Variants in ZC3H12D observed in about 807,000 individuals in gnomAD.
The protein encoded by ZC3H12D is probable ribonuclease ZC3H12D.
A neutral mutation model predicts 24.2 loss-of-function variants in ZC3H12D; 11 were observed. That is an observed-to-expected ratio of 0.46 (90% confidence interval 0.29 to 0.75). The LOEUF is 0.75. Ranked by LOEUF, ZC3H12D falls within the 30% of genes least tolerant of loss-of-function variation. The pLI is 0.11. For missense variants in ZC3H12D, 740 were observed against 767.7 expected, an observed-to-expected ratio of 0.96 and a Z score of 0.43; for synonymous variants, 333 against 341.8, an observed-to-expected ratio of 0.97 and a Z score of 0.28.
intron 2 of ZC3H12D, among the ~76,000 whole-genome samples, chr6:149,464,945 C>A (rs1776128255): frequency 6.6e-6 from 1 of 152,244 alleles, no homozygotes; most frequent in African/African-American, 2.4e-5. Flanking sequence ...TCCCGAGAAG[C>A]CTGGCAGCCA....
chr6:149,456,596 TG>T lies in ZC3H12D; in HGVS notation c.680+69del. On this transcript the variant is annotated intron_variant, in intron 4 of 5. Transcript: ENST00000409806. This position sits in a 1 kb window ranked among gnomAD's most constrained non-coding sequence, Gnocchi z 4.3. ...AAGCTCCTCCACCTGGTAGCAGGCG[TG>T]GCCACTGCCTCGACCCCGGCCCCCC... 7.5e-7 allele frequency: 1 copy of T among 1,335,596 alleles called. No homozygotes were observed. Among genetic ancestry groups the T allele is most frequent in the Non-Finnish European group, 1.0e-6 (1 of 965,562 alleles). The allele number at this position is 1,335,596 out of a possible 1,614,324, so 82.7% of individuals were successfully genotyped here. A position where few individuals can be genotyped will look rare whatever the true frequency, so the allele number is the denominator to read the frequency against.
Position 149,450,893 on chromosome 6 carries a change from GC to G in ZC3H12D, c.1373del (p.Gly458AlafsTer40). Reference protein sequence around the residue: ...GRSVWAEPAWGDGATGGLSVY... With the variant: ...GRSVWAEPAWXDGATGGLSVY... The stretch of plus-strand genomic sequence containing the variant: ...CTGAAAGTCCCCCAGTGGCGCCGTC[GC>G]CCCAGGCCGGCTCCGCCCAGACGGA... On this transcript the variant is annotated frameshift_variant, in exon 6 of 6. Transcript: ENST00000409806. LOFTEE classifies it low-confidence loss of function (END_TRUNC). 6.5e-7 allele frequency: 1 copy of G among 1,540,804 alleles called. No individual in the cohort carries two copies.
At chr6:149,469,888 G>T (rs527765491) in intron 2 of ZC3H12D, among the ~76,000 whole-genome samples, 1 of 152,276 alleles carries the variant, frequency 6.6e-6, no homozygotes, top group Admixed American at 6.5e-5. Context: ...CTGGGTCAGG[G>T]TCTCCTACCC....
At chr6:149,483,692 C>A (rs1776458291) in intron 1 of ZC3H12D, among the ~76,000 whole-genome samples, 1 of 152,174 alleles carries the variant, frequency 6.6e-6, no homozygotes, top group African/African-American at 2.4e-5. Context: ...GAACTACAGG[C>A]ACACACTCCC....
In ZC3H12D at chr6:149,448,348, C is replaced by T. The variant is rs1412445973; in HGVS notation, c.*2335G>A. The T allele has an allele frequency of 6.6e-6, 1 of 151,902 alleles. No individual in the cohort carries two copies. The highest frequency in any genetic ancestry group is 1.5e-5 in the Non-Finnish European group (1 of 67,990). 9.4% of individuals were successfully genotyped at this position (151,902 alleles called of 1,614,324 possible). A position where few individuals can be genotyped will look rare whatever the true frequency, so the allele number is the denominator to read the frequency against. On this transcript the variant is annotated 3_prime_UTR_variant, in exon 6 of 6. Transcript: ENST00000409806. ...AAAATAAAGGCCCGTTGAGGTGGCTCATGCCTGTAATCCCAACGCTTTGGG... is the reference window on the plus strand; with the variant it reads ...AAAATAAAGGCCCGTTGAGGTGGCTTATGCCTGTAATCCCAACGCTTTGGG...
At chr6:149,470,374 A>T (rs896428661) in intron 2 of ZC3H12D, among the ~76,000 whole-genome samples, 1 of 151,870 alleles carries the variant, frequency 6.6e-6, no homozygotes, top group Non-Finnish European at 1.5e-5. Flanking sequence ...AACAAACAAA[A>T]AACTACAAAA....
At chr6:149,462,082 CTA>C (rs1398938661) in intron 2 of ZC3H12D, 112 bp from the exon 3 acceptor site, 7 of 1,382,544 alleles carry the variant, frequency 5.1e-6, no homozygotes, top group African/African-American at 1.4e-5. Context: ...CCAGGAAAAT[CTA>C]TGTTTTAGGC....
Position 149,448,775 on chromosome 6 carries a change from T to A in ZC3H12D, c.*1908A>T, listed in dbSNP as rs996864904. 6.6e-6 allele frequency: 1 copy of A among 152,220 alleles called. No homozygotes were observed. Among genetic ancestry groups the A allele is most frequent in the South Asian group, 2.1e-4 (1 of 4,832 alleles). The allele number at this position is 152,220 out of a possible 1,614,324, so 9.4% of individuals were successfully genotyped here. A position where few individuals can be genotyped will look rare whatever the true frequency, so the allele number is the denominator to read the frequency against. ...CAGAGAAAAACCTAACATCACTGTA[T>A]GCCCCAGGGGTGTCATTTACCATGA... On this transcript the variant is annotated 3_prime_UTR_variant, in exon 6 of 6. Coordinates refer to ENST00000409806, the MANE Select transcript of ZC3H12D (RefSeq NM_207360.3).
In ZC3H12D at chr6:149,452,542, T is replaced by G; in HGVS notation, c.787+74A>C. Reference sequence around the variant, plus strand: ...AGGCCGCTGAGCACCAGGCCAGCGCTTTTTGACTGTGCTCCTGTACTGCCC... The same window carrying G: ...AGGCCGCTGAGCACCAGGCCAGCGCGTTTTGACTGTGCTCCTGTACTGCCC... On this transcript the variant is annotated intron_variant, in intron 5 of 5. Transcript: ENST00000409806. This position sits in a 1 kb window ranked among gnomAD's most constrained non-coding sequence, Gnocchi z 4.0. 1 of 1,282,758 alleles carries G rather than the reference T, an allele frequency of 7.8e-7. No homozygotes were observed. 79.5% of individuals were successfully genotyped at this position (1,282,758 alleles called of 1,614,324 possible).
rs1424423862 is a variant in ZC3H12D at position 149,448,670 on chromosome 6, C to A, written c.*2013G>T. ...TATGGTAAAATTGTGGGTGCACCGTCCTCTTTGGAAAAAGGGGGTAAGGAA... is the reference window on the plus strand; with the variant it reads ...TATGGTAAAATTGTGGGTGCACCGTACTCTTTGGAAAAAGGGGGTAAGGAA... On this transcript the variant is annotated 3_prime_UTR_variant, in exon 6 of 6. Transcript: ENST00000409806. 4.6e-5 allele frequency: 7 copies of A among 152,190 alleles called. No individual in the cohort carries two copies. Among genetic ancestry groups the A allele is most frequent in the African/African-American group, 7.2e-5 (3 of 41,450 alleles). The allele number at this position is 152,190 out of a possible 1,614,324, so 9.4% of individuals were successfully genotyped here.
intron 3 of ZC3H12D, among the ~76,000 whole-genome samples, chr6:149,461,352 A>AAAG (rs34651748): frequency 0.42 from 61,975 of 146,954 alleles, 14,857 homozygotes; most frequent in African/African-American, 0.65. Context: ...AAAAAAAAAA[A>AAAG]AAGAAGAAGA....
intron 1 of ZC3H12D, among the ~76,000 whole-genome samples, chr6:149,477,818 G>C (rs966739797): frequency 6.6e-6 from 1 of 152,168 alleles, no homozygotes; most frequent in Non-Finnish European, 1.5e-5. Flanking sequence ...GGTTCCCAAG[G>C]TGTGGTCTAG....
intron 2 of ZC3H12D, among the ~76,000 whole-genome samples, chr6:149,466,330 A>G (rs893410064): frequency 2.0e-5 from 3 of 151,830 alleles, no homozygotes; most frequent in African/African-American, 7.2e-5. Context: ...CCCAGGAGAC[A>G]GAAGAAACGG....
intron 2 of ZC3H12D, among the ~76,000 whole-genome samples, chr6:149,466,835 C>A (rs1360196727): frequency 6.6e-6 from 1 of 151,834 alleles, no homozygotes; most frequent in Non-Finnish European, 1.5e-5. Context: ...GAGATCAAGC[C>A]ACTGCATTCT....
chr6:149,454,863 C>A (rs1255494170), intron 4 of ZC3H12D, among the ~76,000 whole-genome samples: 1 of 152,252 alleles, frequency 6.6e-6, no homozygotes, highest in African/African-American at 2.4e-5. Context: ...CTGGAAATGA[C>A]AATGGGGGCT....
At chr6:149,465,975 C>T (rs1298453732) in intron 2 of ZC3H12D, among the ~76,000 whole-genome samples, 1 of 152,098 alleles carries the variant, frequency 6.6e-6, no homozygotes, top group Non-Finnish European at 1.5e-5. Context: ...GGGCAGGCTG[C>T]AAGCCCCTCA....
At chr6:149,475,316 G>A (rs1776318227) in intron 1 of ZC3H12D, among the ~76,000 whole-genome samples, 1 of 152,190 alleles carries the variant, frequency 6.6e-6, no homozygotes, top group African/African-American at 2.4e-5. Context: ...AATGCCCCCG[G>A]GCGAATTCTA....
chr6:149,449,925 CTGTG>C lies in ZC3H12D; in HGVS notation c.*754_*757del, dbSNP rs371954872. 6.5e-4 allele frequency: 93 copies of C among 144,086 alleles called. 1 individual carries two copies. The highest frequency in any genetic ancestry group is 8.6e-4 in the Non-Finnish European group (57 of 65,930). 8.9% of individuals were successfully genotyped at this position (144,086 alleles called of 1,614,324 possible). A position where few individuals can be genotyped will look rare whatever the true frequency, so the allele number is the denominator to read the frequency against. On this transcript the variant is annotated 3_prime_UTR_variant, in exon 6 of 6. Coordinates refer to ENST00000409806, the MANE Select transcript of ZC3H12D (RefSeq NM_207360.3). ...TGTGAGTATGTACATGTATGATAGACTGTGTGTGTGTGTGTGTGTGTGTGTGTGT... is the reference window on the plus strand; with the variant it reads ...TGTGAGTATGTACATGTATGATAGACTGTGTGTGTGTGTGTGTGTGTGTGT...
rs746571581 is a variant in ZC3H12D at position 149,451,040 on chromosome 6, C to T, written c.1227G>A (p.Leu409=). The T allele has an allele frequency of 3.3e-5, 47 of 1,429,444 alleles. No homozygotes were observed. The highest frequency in any genetic ancestry group is 4.3e-5 in the Non-Finnish European group (47 of 1,097,080). 88.5% of individuals were successfully genotyped at this position (1,429,444 alleles called of 1,614,324 possible). ...GGTGTTCGCCCCGCGGCTGGAGCTG[C>T]AGGCCGGGCGGAGGCGGGAGGTCGC... ...SPGDLPPPPG[L]QLQPRGEHRP... The change falls in exon 6 of 6, where the codon CTG becomes CTA. Residue 409 remains leucine, a synonymous_variant. Transcript: ENST00000409806.
Sources: gnomAD v4.1 joint callset for allele counts (sites outside exome capture counted in the v4.1 genomes callset) on GRCh38, gnomAD v4.1.1 for gene constraint, Gnocchi (gnomAD v3.1) non-coding constraint, MANE v1.5 for transcripts, NCBI Gene and HGNC (gene_info 2026-07-23, HGNC 2026-07-21) for gene names.